C12orf42: variants seen among roughly 807,000 people sequenced by gnomAD.
C12orf42 encodes the protein chromosome 12 open reading frame 42.
Under a neutral mutation model 21.6 loss-of-function variants are expected in C12orf42, and 25 were observed. The observed-to-expected ratio is 1.16, with a 90% CI of 0.84 to 1.62. The LOEUF is 1.62. Ranked by LOEUF, C12orf42 falls within the 40% of genes most tolerant of loss-of-function variation. The pLI, the probability that C12orf42 is intolerant of heterozygous loss-of-function variation, is 0.00. For missense variants in C12orf42, 483 were observed against 459.3 expected (o/e 1.05, Z -0.47); for synonymous variants, 174 against 175.0 (o/e 0.99, Z 0.05).
intron 2 of C12orf42, among the ~76,000 whole-genome samples, chr12:103,465,280 A>C (rs924172651): frequency 3.9e-4 from 60 of 152,306 alleles, no homozygotes; most frequent in African/African-American, 1.4e-3. Context: ...TTCCTTAAGC[A>C]GTGGTTTGTA....
At chr12:103,386,987 C>G (rs1484126879) in intron 3 of C12orf42, among the ~76,000 whole-genome samples, 1 of 152,226 alleles carries the variant, frequency 6.6e-6, no homozygotes, top group Non-Finnish European at 1.5e-5. Flanking sequence ...CTCCACATCC[C>G]ATTCAAATCC....
chr12:103,294,415 G>A (rs200171698), intron 4 of C12orf42, among the ~76,000 whole-genome samples: 4,319 of 74,176 alleles, frequency 0.058, 86 homozygotes, highest in African/African-American at 0.1. Context: ...GAAAGAAAGA[G>A]AGAAAGGAGA....
the C12orf42 span, among the ~76,000 whole-genome samples, chr12:103,066,299 G>A: frequency 4.6e-4 from 70 of 152,240 alleles, no homozygotes; most frequent in East Asian, 0.011. Context: ...AATGGAAGTG[G>A]TATACACGTG....
At chr12:103,499,635 T>A (rs1274674210), upstream of C12orf42, among the ~76,000 whole-genome samples, 1 of 152,244 alleles carries the variant, frequency 6.6e-6, no homozygotes, top group African/African-American at 2.4e-5. Context: ...AGCAGCACAC[T>A]TGTTTTAAGC....
the C12orf42 span, among the ~76,000 whole-genome samples, chr12:103,073,949 AT>A: frequency 6.6e-6 from 1 of 152,094 alleles, no homozygotes; most frequent in Non-Finnish European, 1.5e-5. Context: ...TACACAGCTA[AT>A]TCTCCTCATG....
intron 6 of C12orf42, among the ~76,000 whole-genome samples, chr12:103,269,520 ACTGTT>A (rs1469377658): frequency 3.9e-5 from 6 of 152,156 alleles, no homozygotes; most frequent in African/African-American, 1.2e-4. Flanking sequence ...CTTCAGGTTG[ACTGTT>A]CTGTTATCAA....
intron 2 of C12orf42, among the ~76,000 whole-genome samples, chr12:103,457,289 G>A (rs1464636659): frequency 2.0e-5 from 3 of 152,182 alleles, no homozygotes; most frequent in African/African-American, 4.8e-5. Flanking sequence ...ATTTTCCCAA[G>A]GGGGAAGAAA....
At chr12:103,050,531 C>T in the C12orf42 span, among the ~76,000 whole-genome samples, 4 of 152,030 alleles carry the variant, frequency 2.6e-5, no homozygotes, top group East Asian at 7.7e-4. Context: ...AGTAAATGTT[C>T]TTATTGTGTT....
chr12:103,536,459 G>A, the C12orf42 span, among the ~76,000 whole-genome samples: 10 of 152,272 alleles, frequency 6.6e-5, no homozygotes, highest in African/African-American at 1.2e-4. Flanking sequence ...CCATAAATAA[G>A]AGTAGCCAGG....
At chr12:103,176,555 G>A in the C12orf42 span, among the ~76,000 whole-genome samples, 1 of 152,116 alleles carries the variant, frequency 6.6e-6, no homozygotes, top group Non-Finnish European at 1.5e-5. Context: ...CCATTCTGTG[G>A]TATTATATGT....
At chr12:103,523,879 T>G in the C12orf42 span, among the ~76,000 whole-genome samples, 1 of 151,602 alleles carries the variant, frequency 6.6e-6, no homozygotes, top group East Asian at 2.0e-4. Flanking sequence ...ACCATAGAGA[T>G]AAGTGTTGGA....
chr12:103,442,024 G>T (rs1157472895), intron 2 of C12orf42, among the ~76,000 whole-genome samples: 1 of 152,022 alleles, frequency 6.6e-6, no homozygotes, highest in Non-Finnish European at 1.5e-5. Context: ...TGCACCTGTA[G>T]TCCCAGCTAC....
At chr12:103,106,366 T>C in the C12orf42 span, among the ~76,000 whole-genome samples, 1 of 151,734 alleles carries the variant, frequency 6.6e-6, no homozygotes, top group African/African-American at 2.4e-5. Context: ...CAAGAAGCAA[T>C]GGTGAAAAAA....
the C12orf42 span, among the ~76,000 whole-genome samples, chr12:103,537,877 G>A: frequency 1.3e-5 from 2 of 152,034 alleles, no homozygotes; most frequent in Admixed American, 1.3e-4. Flanking sequence ...ATGGATTTCC[G>A]GTTAATTAAG....
downstream of C12orf42, among the ~76,000 whole-genome samples, chr12:103,266,733 T>C (rs539093748): frequency 6.6e-6 from 1 of 152,292 alleles, no homozygotes; most frequent in African/African-American, 2.4e-5. Context: ...CTGTTCTACA[T>C]CTTTTTTAAA....
chr12:103,412,340 A>G (rs1316199358), intron 2 of C12orf42, among the ~76,000 whole-genome samples: 1 of 152,112 alleles, frequency 6.6e-6, no homozygotes, highest in Non-Finnish European at 1.5e-5. Context: ...ATATACACAC[A>G]TGTGACGGTG....
At chr12:103,130,220 T>C in the C12orf42 span, among the ~76,000 whole-genome samples, 1 of 151,688 alleles carries the variant, frequency 6.6e-6, no homozygotes, top group Non-Finnish European at 1.5e-5. Flanking sequence ...CTGTCTTCAA[T>C]TTACAGAGGC....
intron 2 of C12orf42, among the ~76,000 whole-genome samples, chr12:103,470,502 G>A (rs1214197440): frequency 6.6e-6 from 1 of 152,092 alleles, no homozygotes; most frequent in Non-Finnish European, 1.5e-5. Flanking sequence ...TTGTTACCAC[G>A]CCTTTAAAAC....
the C12orf42 span, among the ~76,000 whole-genome samples, chr12:103,095,693 T>G: frequency 6.6e-6 from 1 of 152,110 alleles, no homozygotes; most frequent in African/African-American, 2.4e-5. Context: ...AGGCAGAGGG[T>G]TTTTATCTGT....
Sources: gnomAD v4.1 joint callset for allele counts (sites outside exome capture counted in the v4.1 genomes callset) on GRCh38, gnomAD v4.1.1 for gene constraint, MANE v1.5 for transcripts, NCBI Gene and HGNC (gene_info 2026-07-23, HGNC 2026-07-21) for gene names.